Variants in ADCY2 observed in about 807,000 individuals in gnomAD.
The protein encoded by ADCY2 is adenylate cyclase type 2.
Under a neutral mutation model 125.2 loss-of-function variants are expected in ADCY2, and 31 were observed. The ratio of observed to expected loss-of-function variants is 0.25; its 90% CI spans 0.19 to 0.33. The LOEUF is 0.33. Among genes scored for constraint, ADCY2 ranks in the 10% least tolerant of loss-of-function variants. The pLI is 1.00. For synonymous variants in ADCY2, 512 were observed against 548.4 expected (o/e 0.93, Z 0.93); for missense variants, 904 against 1,418.2 (o/e 0.64, Z 5.82).
intron 4 of ADCY2, among the ~76,000 whole-genome samples, chr5:7,677,445 G>A (rs944197086): frequency 3.9e-5 from 6 of 152,114 alleles, no homozygotes; most frequent in African/African-American, 7.2e-5. Flanking sequence ...TGGGACTTAC[G>A]TTGACTAACA....
At chr5:7,563,464 C>A (rs1417885006) in intron 3 of ADCY2, among the ~76,000 whole-genome samples, 1 of 152,050 alleles carries the variant, frequency 6.6e-6, no homozygotes, top group South Asian at 2.1e-4. Flanking sequence ...CAAAGGCACT[C>A]GTTTTTTTGG....
intron 4 of ADCY2, among the ~76,000 whole-genome samples, chr5:7,653,861 A>T (rs1361567845): frequency 6.6e-6 from 1 of 152,130 alleles, no homozygotes; most frequent in Non-Finnish European, 1.5e-5. Flanking sequence ...ACAAAATATC[A>T]TGAGCTTTCA....
chr5:7,611,968 G>A (rs1737584112), intron 3 of ADCY2, among the ~76,000 whole-genome samples: 1 of 152,264 alleles, frequency 6.6e-6, no homozygotes, highest in African/African-American at 2.4e-5. Flanking sequence ...TGATGACATG[G>A]TAAAAGTCTC....
intron 3 of ADCY2, among the ~76,000 whole-genome samples, chr5:7,528,968 C>T (rs1734557869): frequency 1.3e-5 from 2 of 152,206 alleles, no homozygotes; most frequent in Admixed American, 1.3e-4. Flanking sequence ...ACAGACTCCT[C>T]CTATGTTCTT....
intron 16 of ADCY2, among the ~76,000 whole-genome samples, chr5:7,761,100 T>C (rs903376495): frequency 6.6e-6 from 1 of 151,818 alleles, no homozygotes; most frequent in African/African-American, 2.4e-5. Context: ...GGCTGGATAA[T>C]ATTCCATTGT....
chr5:7,548,171 G>A (rs551997083), intron 3 of ADCY2, among the ~76,000 whole-genome samples: 9 of 152,270 alleles, frequency 5.9e-5, no homozygotes, highest in African/African-American at 2.2e-4. Flanking sequence ...TTTTGTCTGG[G>A]AAGTGCAAAT....
intron 13 of ADCY2, among the ~76,000 whole-genome samples, chr5:7,726,095 T>TA (rs1386549253): frequency 3.3e-5 from 5 of 152,220 alleles, no homozygotes; most frequent in Admixed American, 6.5e-5. Flanking sequence ...CTAGAGAGGC[T>TA]AAAATCCCAG....
chr5:7,424,560 G>A (rs1740320167), intron 2 of ADCY2, among the ~76,000 whole-genome samples: 3 of 152,322 alleles, frequency 2.0e-5, no homozygotes, highest in Admixed American at 2.0e-4. Context: ...TTGTGAATCT[G>A]GATTGTTCTA....
intron 14 of ADCY2, among the ~76,000 whole-genome samples, chr5:7,728,867 A>G (rs1323652532): frequency 6.6e-6 from 1 of 152,178 alleles, no homozygotes; most frequent in Non-Finnish European, 1.5e-5. Flanking sequence ...GATGCCTCCA[A>G]AGAAGACAAA....
At chr5:7,653,487 G>A (rs1739172315) in intron 4 of ADCY2, among the ~76,000 whole-genome samples, 1 of 151,976 alleles carries the variant, frequency 6.6e-6, no homozygotes, top group Admixed American at 6.6e-5. Flanking sequence ...GGGCGCCTGT[G>A]GTCCCAGCTA....
At chr5:7,556,985 A>C (rs1203796034) in intron 3 of ADCY2, among the ~76,000 whole-genome samples, 3 of 152,078 alleles carry the variant, frequency 2.0e-5, no homozygotes, top group South Asian at 4.2e-4. Context: ...AAGAAACGAT[A>C]GATGATTTTA....
chr5:7,654,392 T>C lies in ADCY2; in HGVS notation c.720+28076T>C, dbSNP rs185834139. On this transcript the variant is annotated intron_variant, in intron 4 of 24. Coordinates refer to ENST00000338316, the MANE Select transcript of ADCY2 (RefSeq NM_020546.3). ...GATGAGGGAATGAGCAGCATGCCTG[T>C]ACGCTATGGAATGATCCAGCAGAGA... Among the ~76,000 whole-genome samples the C allele has an allele frequency of 5.3e-5, 8 of 152,216 alleles. No individual in the cohort carries two copies. In the East Asian group the frequency reaches 1.4e-3, roughly 26 times the overall value.
At chr5:7,792,903 G>A (rs1384718194) in intron 20 of ADCY2, among the ~76,000 whole-genome samples, 3 of 152,216 alleles carry the variant, frequency 2.0e-5, no homozygotes, top group Non-Finnish European at 2.9e-5. Context: ...CCTTCGCACT[G>A]CAGTCCTCCA....
chr5:7,684,283 C>T (rs543631893), intron 4 of ADCY2, among the ~76,000 whole-genome samples: 10 of 152,328 alleles, frequency 6.6e-5, no homozygotes, highest in African/African-American at 2.4e-4. Context: ...GCAGGGCTGA[C>T]TTGGGTGCTG....
chr5:7,637,960 C>G (rs1738566625), intron 4 of ADCY2, among the ~76,000 whole-genome samples: 1 of 152,076 alleles, frequency 6.6e-6, no homozygotes, highest in Admixed American at 6.6e-5. Flanking sequence ...AGGTAAACAT[C>G]AATCAGCAGC....
At chr5:7,655,808 T>C (rs978878826) in intron 4 of ADCY2, among the ~76,000 whole-genome samples, 6 of 152,268 alleles carry the variant, frequency 3.9e-5, no homozygotes, top group Middle Eastern at 3.4e-3. Flanking sequence ...TTAGATGGTG[T>C]AGGAATTGTG....
chr5:7,743,563 T>G (rs1175146960), intron 14 of ADCY2, 105 bp from the exon 15 acceptor site: 1 of 959,748 alleles, frequency 1.0e-6, no homozygotes, highest in African/African-American at 1.6e-5. Context: ...AGGATTGCAG[T>G]CTGCATTTAA....
At chr5:7,716,185 A>G (rs1044368567) in intron 11 of ADCY2, among the ~76,000 whole-genome samples, 5 of 152,204 alleles carry the variant, frequency 3.3e-5, no homozygotes, top group Admixed American at 2.6e-4. Context: ...ACTAAGTGAG[A>G]TGGTTTGCAA....
intron 18 of ADCY2, among the ~76,000 whole-genome samples, chr5:7,783,580 G>A (rs941171904): frequency 2.6e-5 from 4 of 152,124 alleles, no homozygotes; most frequent in Non-Finnish European, 4.4e-5. Context: ...GTGATGACCT[G>A]CTGTTTGTAG....
Sources: allele counts gnomAD v4.1 joint callset (sites outside exome capture counted in the v4.1 genomes callset), GRCh38; gene constraint gnomAD v4.1.1; transcripts MANE v1.5; gene names NCBI Gene and HGNC (gene_info 2026-07-23, HGNC 2026-07-21).